OSBPL10: variants seen among roughly 807,000 people sequenced by gnomAD.
The protein encoded by OSBPL10 is oxysterol-binding protein-related protein 10.
Under a neutral mutation model 81.7 loss-of-function variants are expected in OSBPL10, and 49 were observed. The observed-to-expected ratio is 0.60, with a 90% CI of 0.48 to 0.76. OSBPL10 has a LOEUF of 0.76. Among genes scored for constraint, OSBPL10 ranks in the 30% least tolerant of loss-of-function variants. OSBPL10 has a pLI of 0.00. For synonymous variants in OSBPL10, 419 were observed against 383.6 expected (o/e 1.09, Z -1.08); for missense variants, 923 against 987.8 (o/e 0.93, Z 0.88).
At chr3:31,878,148 A>C (rs748850465) in intron 2 of OSBPL10, among the ~76,000 whole-genome samples, 3 of 152,210 alleles carry the variant, frequency 2.0e-5, no homozygotes, top group Non-Finnish European at 2.9e-5. Flanking sequence ...TATATTTGCT[A>C]TTAAAATTGC....
At chr3:31,836,632 C>T (rs934888430) in intron 3 of OSBPL10, among the ~76,000 whole-genome samples, 1 of 151,656 alleles carries the variant, frequency 6.6e-6, no homozygotes, top group African/African-American at 2.4e-5. Context: ...CCAGGGCAAA[C>T]CTGAAGGTCC....
chr3:31,850,534 A>T (rs1700738261), intron 3 of OSBPL10, among the ~76,000 whole-genome samples: 1 of 152,146 alleles, frequency 6.6e-6, no homozygotes, highest in Non-Finnish European at 1.5e-5. Context: ...GGCAGCAAAA[A>T]GCTTCCAACG....
At chr3:31,945,414 C>A (rs117445088) in intron 1 of OSBPL10, among the ~76,000 whole-genome samples, 1 of 152,144 alleles carries the variant, frequency 6.6e-6, no homozygotes, top group South Asian at 2.1e-4. Flanking sequence ...CAGTGACATA[C>A]GATCCAGCCC....
intron 1 of OSBPL10, among the ~76,000 whole-genome samples, chr3:32,062,412 A>G (rs1218889588): frequency 1.1e-5 from 1 of 93,928 alleles, no homozygotes; most frequent in Non-Finnish European, 2.9e-5. Context: ...GTTTGTTTAT[A>G]TGGCTATGTT....
intron 4 of OSBPL10, among the ~76,000 whole-genome samples, chr3:31,796,631 G>A (rs56249157): frequency 0.55 from 83,907 of 151,922 alleles, 24,779 homozygotes; most frequent in East Asian, 0.78. Flanking sequence ...TTGTGGGGGT[G>A]GAGGGTCCTG....
chr3:31,976,387 G>A (rs1575072985), intron 1 of OSBPL10, among the ~76,000 whole-genome samples: 1 of 152,166 alleles, frequency 6.6e-6, no homozygotes, highest in Admixed American at 6.5e-5. Flanking sequence ...GCTAGCCCAC[G>A]GTCACATGTG....
intron 1 of OSBPL10, among the ~76,000 whole-genome samples, chr3:31,932,707 T>TC (rs921997196): frequency 6.6e-6 from 1 of 151,954 alleles, no homozygotes; most frequent in Non-Finnish European, 1.5e-5. Flanking sequence ...CTCCTCCCCC[T>TC]CCTTCTTCTT....
chr3:31,783,140 T>TAC (rs1196929823), intron 4 of OSBPL10, among the ~76,000 whole-genome samples: 1,424 of 89,266 alleles, frequency 0.016, 39 homozygotes, highest in African/African-American at 0.057. Context: ...TATATATATA[T>TAC]ATATATACAC....
chr3:31,907,850 A>T (rs1352424987), intron 1 of OSBPL10, among the ~76,000 whole-genome samples: 1 of 152,080 alleles, frequency 6.6e-6, no homozygotes, highest in Non-Finnish European at 1.5e-5. Flanking sequence ...GCCCTTGTGG[A>T]ACTGATATTC....
chr3:32,055,706 C>A (rs1699705019), intron 1 of OSBPL10, among the ~76,000 whole-genome samples: 1 of 152,148 alleles, frequency 6.6e-6, no homozygotes, highest in Non-Finnish European at 1.5e-5. Context: ...CGCCTGCTTT[C>A]CTTTAAGGAA....
chr3:31,953,804 C>T (rs184150773), intron 1 of OSBPL10, among the ~76,000 whole-genome samples: 1 of 152,248 alleles, frequency 6.6e-6, no homozygotes, highest in African/African-American at 2.4e-5. Context: ...AGTCACCATA[C>T]GTGAAGATGT....
intron 5 of OSBPL10, among the ~76,000 whole-genome samples, chr3:31,747,212 G>A (rs1422772245): frequency 6.6e-6 from 1 of 151,762 alleles, no homozygotes; most frequent in East Asian, 1.9e-4. Flanking sequence ...GCGCTATTTG[G>A]GAGGCTGAGG....
intron 1 of OSBPL10, among the ~76,000 whole-genome samples, chr3:31,910,695 T>G (rs1696550965): frequency 6.6e-6 from 1 of 152,002 alleles, no homozygotes; most frequent in Non-Finnish European, 1.5e-5. Flanking sequence ...GAGAGTCTCC[T>G]CAGTTGGACT....
intron 4 of OSBPL10, among the ~76,000 whole-genome samples, chr3:31,828,702 T>C (rs1700158292): frequency 6.6e-6 from 1 of 152,120 alleles, no homozygotes; most frequent in Non-Finnish European, 1.5e-5. Context: ...CCAGCTAATT[T>C]TTGTGTTATT....
chr3:31,839,242 C>T (rs932425486), intron 3 of OSBPL10, among the ~76,000 whole-genome samples: 3 of 152,202 alleles, frequency 2.0e-5, no homozygotes, highest in African/African-American at 7.2e-5. Flanking sequence ...CTGGAAAAGA[C>T]ATACATACCA....
chr3:31,955,455 C>T (rs1267233541), intron 1 of OSBPL10, among the ~76,000 whole-genome samples: 1 of 152,208 alleles, frequency 6.6e-6, no homozygotes, highest in Non-Finnish European at 1.5e-5. Context: ...CAGGACTGTG[C>T]CAAAGGCTCA....
chr3:32,049,673 T>TA lies in OSBPL10; in HGVS notation n.186-3071dup, dbSNP rs566986960. On this transcript the variant is annotated intron_variant and non_coding_transcript_variant, in intron 1 of 3. Transcript: ENST00000479173. ...TTCTTAACCACTATTCTCTTTGGAT[T>TA]AATCTGCCTTGTACTCTCTGCTGAT... Among the ~76,000 whole-genome samples the TA allele has an allele frequency of 7.9e-5, 12 of 152,324 alleles. No individual in the cohort carries two copies. In the East Asian group the frequency reaches 2.1e-3, roughly 27 times the overall value.
Position 32,065,625 on chromosome 3 carries a change from T to C in OSBPL10, n.185+11771A>G, listed in dbSNP as rs1159062992. 2.2e-5 allele frequency among the ~76,000 whole-genome samples: 2 copies of C among 90,998 alleles called. 1 individual carries two copies. The allele number at this position is 90,998 out of a possible 152,430, so 59.7% of individuals were successfully genotyped here. On this transcript the variant is annotated intron_variant and non_coding_transcript_variant, in intron 1 of 3. Coordinates refer to the OSBPL10 transcript ENST00000479173. Reference sequence around the variant, plus strand: ...GGTCAGGCACAGTGGCTCACTCCTATAATCCCCCCGCTTTGAGAGCCTGAG... The same window carrying C: ...GGTCAGGCACAGTGGCTCACTCCTACAATCCCCCCGCTTTGAGAGCCTGAG...
rs576306077 is a variant in OSBPL10 at position 31,968,310 on chromosome 3, CAA to C, written c.281+12587_281+12588del. ...CATGCAGTTGTTACACAAAAGAATTCAAAGTCTTAAACTAAGAAAGGAAGCAA... is the reference window on the plus strand; with the variant it reads ...CATGCAGTTGTTACACAAAAGAATTCAGTCTTAAACTAAGAAAGGAAGCAA... On this transcript the variant is annotated intron_variant, in intron 1 of 11. Coordinates refer to ENST00000396556, the MANE Select transcript of OSBPL10 (RefSeq NM_017784.5). 6.9e-4 allele frequency among the ~76,000 whole-genome samples: 105 copies of C among 151,878 alleles called. 1 individual carries two copies. Among genetic ancestry groups the C allele is most frequent in the Admixed American group, 6.3e-3 (96 of 15,252 alleles).
Sources: allele counts gnomAD v4.1 joint callset (sites outside exome capture counted in the v4.1 genomes callset), GRCh38; gene constraint gnomAD v4.1.1; transcripts MANE v1.5; gene names NCBI Gene and HGNC (gene_info 2026-07-23, HGNC 2026-07-21).